Variants in DNAH7 observed in about 807,000 individuals in gnomAD.
DNAH7 encodes dynein axonemal heavy chain 7.
In DNAH7, 397 loss-of-function variants were observed where a neutral mutation model predicts 444.6. That is an observed-to-expected ratio of 0.89 (90% CI 0.82 to 0.97). The LOEUF (loss-of-function observed/expected upper bound fraction) is 0.97. DNAH7 is among the 50% of genes least tolerant of loss of function. The probability of loss-of-function intolerance (pLI) is 0.00; values close to 1 mark genes in which losing one functional copy is unlikely to be tolerated. For synonymous variants in DNAH7, 1,636 were observed against 1,624.4 expected (o/e 1.01, Z -0.17); for missense variants, 4,902 against 4,800.8 (o/e 1.02, Z -0.62).
intron 15 of DNAH7, among the ~76,000 whole-genome samples, chr2:195,982,312 C>T (rs1216745729): frequency 2.0e-5 from 3 of 152,090 alleles, no homozygotes; most frequent in Non-Finnish European, 4.4e-5. Context: ...TGGCTTTTAT[C>T]CAAAAGACAG....
intron 35 of DNAH7, among the ~76,000 whole-genome samples, chr2:195,883,700 G>A (rs1701552000): frequency 6.6e-6 from 1 of 152,098 alleles, no homozygotes; most frequent in South Asian, 2.1e-4. Flanking sequence ...ATTAAATAAA[G>A]TAAAAATATC....
chr2:195,854,981 T>A lies in DNAH7; in HGVS notation c.8595+830A>T, dbSNP rs542215351. ...TACTATAGAAAGAGGCAGTCTGGTGTCCTGGAAAGAGTACAGCTATTGGAA... is the reference window on the plus strand; with the variant it reads ...TACTATAGAAAGAGGCAGTCTGGTGACCTGGAAAGAGTACAGCTATTGGAA... On this transcript the variant is annotated intron_variant, in intron 45 of 64. Transcript: ENST00000312428. Among the ~76,000 whole-genome samples the A allele has an allele frequency of 5.9e-5, 9 of 152,282 alleles. No individual in the cohort carries two copies. In the South Asian group the frequency reaches 1.2e-3, roughly 21 times the overall value.
At chr2:196,005,201 G>A (rs1403161368) in intron 10 of DNAH7, among the ~76,000 whole-genome samples, 2 of 151,826 alleles carry the variant, frequency 1.3e-5, no homozygotes, top group Non-Finnish European at 2.9e-5. Flanking sequence ...ATGAACCCGG[G>A]AGGCAGAGCT....
chr2:195,832,321 G>C (rs1698114985), intron 48 of DNAH7, among the ~76,000 whole-genome samples: 1 of 152,162 alleles, frequency 6.6e-6, no homozygotes, highest in Admixed American at 6.5e-5. Context: ...GCATATGGTA[G>C]ATGCTCAATT....
At chr2:196,026,273 T>A (rs1695681717) in intron 7 of DNAH7, among the ~76,000 whole-genome samples, 1 of 152,206 alleles carries the variant, frequency 6.6e-6, no homozygotes, top group African/African-American at 2.4e-5. Context: ...TGTCAACCTT[T>A]GGTCTACTGC....
intron 54 of DNAH7, 53 bp downstream of exon 54, chr2:195,806,687 G>A: frequency 1.3e-6 from 2 of 1,493,928 alleles, no homozygotes; most frequent in Non-Finnish European, 1.9e-6. Flanking sequence ...TGGATGGACT[G>A]AGCAGGCATA....
chr2:195,758,580 A>G (rs552828956), intron 61 of DNAH7, among the ~76,000 whole-genome samples: 1 of 152,328 alleles, frequency 6.6e-6, no homozygotes, highest in South Asian at 2.1e-4. Flanking sequence ...CATAAGAACC[A>G]AAAATCAGGT....
chr2:195,896,585 C>A (rs1702331990), intron 29 of DNAH7, among the ~76,000 whole-genome samples: 1 of 152,130 alleles, frequency 6.6e-6, no homozygotes, highest in East Asian at 1.9e-4. Flanking sequence ...CACTCCTCAC[C>A]TCCACTTGAG....
chr2:195,894,858 G>A, intron 30 of DNAH7, 118 bp downstream of exon 30: 1 of 1,020,058 alleles, frequency 9.8e-7, no homozygotes, highest in Non-Finnish European at 1.3e-6. Context: ...TTTTCTCTTT[G>A]ACTCATTTTT....
chr2:195,958,194 A>G (rs950909965), intron 18 of DNAH7, among the ~76,000 whole-genome samples: 7 of 151,896 alleles, frequency 4.6e-5, no homozygotes, highest in Non-Finnish European at 8.8e-5. Context: ...TGCTTCTGCC[A>G]TCCCTGAGAT....
At chr2:195,758,566 A>G (rs1381662049) in intron 61 of DNAH7, among the ~76,000 whole-genome samples, 1 of 152,206 alleles carries the variant, frequency 6.6e-6, no homozygotes, top group Non-Finnish European at 1.5e-5. Flanking sequence ...CAAAAAAGCA[A>G]CTTCATAAGA....
At chr2:196,028,787 G>T in intron 5 of DNAH7, among the ~76,000 whole-genome samples, 1 of 152,148 alleles carries the variant, frequency 6.6e-6, no homozygotes, top group South Asian at 2.1e-4. Context: ...GGTCAGTGAT[G>T]TTGTATAATT....
rs117317220 is a variant in DNAH7, at chr2:195,989,057, T to C, written c.1354-828A>G. ...TGAATTGTATTCCACTGTGTATATA[T>C]ATATCATGTTTTCTTTATCCATTCA... On this transcript the variant is annotated intron_variant, in intron 12 of 64. Transcript: ENST00000312428. Among the ~76,000 whole-genome samples, 133 of 152,292 alleles carry C rather than the reference T, an allele frequency of 8.7e-4. No individual in the cohort carries two copies. In the East Asian group the frequency reaches 0.022, roughly 25 times the overall value.
intron 27 of DNAH7, chr2:195,902,514 G>T (rs1686773014): frequency 1.3e-5 from 2 of 152,080 alleles, no homozygotes; most frequent in Admixed American, 1.3e-4. Context: ...AGTCAATGGG[G>T]TTAGGGTGGT....
At chr2:195,814,642 T>C (rs375552501) in intron 51 of DNAH7, among the ~76,000 whole-genome samples, 143 of 152,348 alleles carry the variant, frequency 9.4e-4, no homozygotes, top group African/African-American at 3.4e-3. Context: ...GTGGTTATTG[T>C]TATAAGCAAG....
In DNAH7 at chr2:196,051,189, T is replaced by C. The variant is rs1445286852; in HGVS notation, c.139A>G (p.Met47Val). The C allele has an allele frequency of 3.7e-6, 6 of 1,612,776 alleles. No homozygotes were observed. Among genetic ancestry groups the C allele is most frequent in the Middle Eastern group, 1.6e-4 (1 of 6,072 alleles). Reference sequence around the variant, plus strand: ...GAGAATATATTTGGATAAGTTACCATAGACAGCTGTGGTAAAGCTCTTGCT... The same window carrying C: ...GAGAATATATTTGGATAAGTTACCACAGACAGCTGTGGTAAAGCTCTTGCT... ...APARALPQLSMVSTKPHWQQA... is the reference protein window; with the variant it reads ...APARALPQLSVVSTKPHWQQA... Residue 47 changes from methionine to valine, a missense_variant and splice_region_variant, in exon 3 of 65, where the codon ATG (methionine) becomes GTG (valine). Met to Val is a conservative substitution (Grantham distance 21, BLOSUM62 1). Coordinates refer to ENST00000312428, the MANE Select transcript of DNAH7 (RefSeq NM_018897.3).
chr2:195,812,200 C>CT (rs1265381720), intron 51 of DNAH7, among the ~76,000 whole-genome samples: 1 of 152,106 alleles, frequency 6.6e-6, no homozygotes, highest in African/African-American at 2.4e-5. Context: ...CCCTAACGCC[C>CT]TGCCCATCAA....
At chr2:195,841,885 G>A (rs1698709693) in intron 47 of DNAH7, among the ~76,000 whole-genome samples, 1 of 151,872 alleles carries the variant, frequency 6.6e-6, no homozygotes, top group Admixed American at 6.6e-5. Flanking sequence ...GCTTTTGTGG[G>A]CTTTTTGAAA....
At chr2:195,834,990 T>TG (rs1438322313) in intron 47 of DNAH7, among the ~76,000 whole-genome samples, 3 of 152,240 alleles carry the variant, frequency 2.0e-5, no homozygotes, top group Non-Finnish European at 4.4e-5. Flanking sequence ...ATATATGTAG[T>TG]TCATTACATA....
Sources: gnomAD v4.1 joint callset for allele counts (sites outside exome capture counted in the v4.1 genomes callset) on GRCh38, gnomAD v4.1.1 for gene constraint, MANE v1.5 for transcripts, NCBI Gene and HGNC (gene_info 2026-07-23, HGNC 2026-07-21) for gene names.